The following ERGIC1 variants were observed in gnomAD, a reference collection of about 807,000 sequenced individuals.
ERGIC1 encodes endoplasmic reticulum-golgi intermediate compartment 1, also known as endoplasmic reticulum-Golgi intermediate compartment protein 1.
ERGIC1 carries 19 observed loss-of-function variants against 38.3 expected under a neutral mutation model. The observed-to-expected ratio is 0.50, with a 90% CI of 0.35 to 0.73. The LOEUF (loss-of-function observed/expected upper bound fraction) is 0.73. Ranked by LOEUF, ERGIC1 falls within the 30% of genes least tolerant of loss-of-function variation. ERGIC1 has a pLI of 0.01. For synonymous variants in ERGIC1, 124 were observed against 157.6 expected, an observed-to-expected ratio of 0.79 and a Z score of 1.60; for missense variants, 294 against 389.2, an observed-to-expected ratio of 0.76 and a Z score of 2.06.
intron 2 of ERGIC1, among the ~76,000 whole-genome samples, chr5:172,891,956 C>T (rs894929736): frequency 6.6e-6 from 1 of 152,168 alleles, no homozygotes; most frequent in Non-Finnish European, 1.5e-5. Context: ...TAGACATTCC[C>T]CATTCTGGTT....
chr5:172,932,253 G>A (rs182918839), intron 7 of ERGIC1, among the ~76,000 whole-genome samples, 183 bp from the exon 8 acceptor site: 9 of 152,336 alleles, frequency 5.9e-5, no homozygotes, highest in Admixed American at 5.9e-4. Context: ...AGATCCTGAT[G>A]GATAGAGTCT....
Position 172,935,301 on chromosome 5 carries a change from C to G in ERGIC1, c.756C>G (p.Phe252Leu). ...YTERRQPLYR[F>L]ITTICAIIGG... ...AGAGACGGCAGCCGCTGTACAGATT[C>G]ATCACCACGGTGAGTGGCCTGGGGC... is the stretch of plus-strand genomic sequence containing the variant. The change falls in exon 9 of 10, where the codon TTC (phenylalanine) becomes TTG (leucine). Residue 252 changes from phenylalanine (F) to leucine (L), a missense_variant. This residue lies in a region of ERGIC1 where 109 missense variants were observed against 112.7 expected (regional missense o/e 0.97). Coordinates refer to ENST00000393784, the MANE Select transcript of ERGIC1 (RefSeq NM_001031711.3). The G allele has an allele frequency of 3.7e-6, 6 of 1,614,106 alleles. No homozygotes were observed. Among genetic ancestry groups the G allele is most frequent in the Non-Finnish European group, 5.1e-6 (6 of 1,180,034 alleles).
chr5:172,854,559 G>A (rs780741580), intron 1 of ERGIC1, among the ~76,000 whole-genome samples: 22 of 152,268 alleles, frequency 1.4e-4, no homozygotes, highest in East Asian at 7.7e-4. Context: ...CCAAACCTGT[G>A]CCTGTCAGGT....
chr5:172,933,221 C>A (rs1283893097), intron 8 of ERGIC1: 1 of 152,306 alleles, frequency 6.6e-6, no homozygotes, highest in Non-Finnish European at 1.5e-5. Flanking sequence ...CCACTTACCA[C>A]CAGGACTGTC....
intron 5 of ERGIC1, among the ~76,000 whole-genome samples, chr5:172,923,678 A>T (rs898790086): frequency 6.6e-6 from 1 of 152,170 alleles, no homozygotes; most frequent in Non-Finnish European, 1.5e-5. Context: ...TCAGCCGCCC[A>T]GAATCCACAG....
chr5:172,860,222 T>G (rs1051205300), intron 1 of ERGIC1, among the ~76,000 whole-genome samples: 4 of 152,232 alleles, frequency 2.6e-5, no homozygotes, highest in African/African-American at 9.6e-5. Context: ...ATCAGTTCCC[T>G]GACGGGGAAC....
chr5:172,900,832 G>A (rs531844350), intron 3 of ERGIC1, among the ~76,000 whole-genome samples: 75 of 152,298 alleles, frequency 4.9e-4, no homozygotes, highest in Admixed American at 2.9e-3. Flanking sequence ...AGATCTGTCC[G>A]GAGCTGAGGC....
chr5:172,842,116 G>T (rs4868221), intron 1 of ERGIC1, among the ~76,000 whole-genome samples: 35,511 of 152,052 alleles, frequency 0.23, 4,465 homozygotes, highest in East Asian at 0.38. Context: ...GCGCAATCTC[G>T]GCTCACTGCA....
Position 172,926,620 on chromosome 5 carries a change from C to A in ERGIC1, c.541+51C>A. On this transcript the variant is annotated intron_variant, in intron 7 of 9. Coordinates refer to ENST00000393784, the MANE Select transcript of ERGIC1 (RefSeq NM_001031711.3). The surrounding 1 kb of genome is among the most constrained non-coding windows in gnomAD (Gnocchi z 5.2). ...TTCTGCTCCAAGATGCCCAGTACAG[C>A]AGGCAGGGAGGGGGAGGGCAGAGAG... 1 of 1,598,808 alleles carries A rather than the reference C, an allele frequency of 6.3e-7. No individual in the cohort carries two copies.
At chr5:172,935,064 G>A in intron 8 of ERGIC1, 124 bp from the exon 9 acceptor site, 2 of 1,426,710 alleles carry the variant, frequency 1.4e-6, no homozygotes, top group Non-Finnish European at 1.9e-6. Context: ...GGGGAGTCTG[G>A]CTTCGTGGGG....
Position 172,932,573 on chromosome 5 carries a change from G to A in ERGIC1, c.642+37G>A, listed in dbSNP as rs781661543. The stretch of plus-strand genomic sequence containing the variant: ...GTGGCTGGGCCGAGCTGTGTGCGGC[G>A]GCGCCCTCTGCTGACGGAGAGCAGA... On this transcript the variant is annotated intron_variant, in intron 8 of 9. Coordinates refer to ENST00000393784, the MANE Select transcript of ERGIC1 (RefSeq NM_001031711.3). The A allele has an allele frequency of 3.8e-6, 6 of 1,597,200 alleles. No homozygotes were observed. In the Admixed American group the frequency reaches 5.1e-5, roughly 13 times the overall value.
At chr5:172,886,934 C>T (rs1198527616) in intron 1 of ERGIC1, among the ~76,000 whole-genome samples, 1 of 152,140 alleles carries the variant, frequency 6.6e-6, no homozygotes, top group Non-Finnish European at 1.5e-5. Context: ...GCAGAGACCC[C>T]CAACCTCCCG....
intron 2 of ERGIC1, 59 bp from the exon 3 acceptor site, chr5:172,896,943 G>A: frequency 6.6e-7 from 1 of 1,525,274 alleles, no homozygotes; most frequent in African/African-American, 1.4e-5. Flanking sequence ...CTCTAGGCTG[G>A]TCTCCCTTCG....
At chr5:172,866,700 C>T (rs888992050) in intron 1 of ERGIC1, among the ~76,000 whole-genome samples, 2 of 152,272 alleles carry the variant, frequency 1.3e-5, no homozygotes, top group African/African-American at 4.8e-5. Flanking sequence ...TAGCAAGTGG[C>T]AGAGCTGGGA....
At chr5:172,870,148 C>A (rs1281203725) in intron 1 of ERGIC1, among the ~76,000 whole-genome samples, 1 of 152,260 alleles carries the variant, frequency 6.6e-6, no homozygotes, top group South Asian at 2.1e-4. Flanking sequence ...AGTTCACAAA[C>A]TGATAATACT....
At chr5:172,910,174 G>A (rs1763170911) in intron 4 of ERGIC1, among the ~76,000 whole-genome samples, 2 of 152,258 alleles carry the variant, frequency 1.3e-5, no homozygotes, top group Non-Finnish European at 2.9e-5. Flanking sequence ...ACAGGATGCT[G>A]TGGGGTGTGA....
intron 9 of ERGIC1, among the ~76,000 whole-genome samples, chr5:172,945,549 C>T (rs938176276): frequency 6.6e-6 from 1 of 152,196 alleles, no homozygotes; most frequent in Admixed American, 6.5e-5. Flanking sequence ...AATCCCATTT[C>T]TTGGCCATAA....
chr5:172,944,864 C>T (rs1032906511), intron 9 of ERGIC1, among the ~76,000 whole-genome samples: 1 of 152,232 alleles, frequency 6.6e-6, no homozygotes, highest in East Asian at 1.9e-4. Context: ...GGGTCTCCCC[C>T]TCCAGGCCCA....
chr5:172,947,183 C>CA (rs11308202), intron 9 of ERGIC1, among the ~76,000 whole-genome samples: 35 of 122,316 alleles, frequency 2.9e-4, no homozygotes, highest in African/African-American at 4.0e-4. Context: ...GACTCAATCT[C>CA]AAAAAAAAAA....
Sources: gnomAD v4.1 joint callset for allele counts (sites outside exome capture counted in the v4.1 genomes callset) on GRCh38, gnomAD v4.1.1 for gene constraint, gnomAD v4.1.1 regional missense constraint, Gnocchi (gnomAD v3.1) non-coding constraint, MANE v1.5 for transcripts, NCBI Gene and HGNC (gene_info 2026-07-23, HGNC 2026-07-21) for gene names.